VPS13B: variants seen among roughly 807,000 people sequenced by gnomAD.
The protein encoded by VPS13B is vacuolar protein sorting 13 homolog B.
In VPS13B, 285 loss-of-function variants were observed where a neutral mutation model predicts 426.4. The observed-to-expected ratio is 0.67, with a 90% CI of 0.61 to 0.74. The LOEUF is 0.74. Ranked by LOEUF, VPS13B falls within the 30% of genes least tolerant of loss-of-function variation. The pLI is 0.00. For missense variants in VPS13B, 4,537 were observed against 4,782.6 expected (o/e 0.95, Z 1.51); for synonymous variants, 1,676 against 1,676.4 (o/e 1.00, Z 0.01).
At chr8:99,612,227 C>T (rs992111997) in intron 33 of VPS13B, among the ~76,000 whole-genome samples, 2 of 152,168 alleles carry the variant, frequency 1.3e-5, no homozygotes, top group Non-Finnish European at 2.9e-5. Flanking sequence ...TTAAACTTCA[C>T]TCTCCTCATC....
intron 30 of VPS13B, chr8:99,527,980 T>G (rs938529653): frequency 6.6e-6 from 1 of 152,096 alleles, no homozygotes; most frequent in Non-Finnish European, 1.5e-5. Flanking sequence ...TGACATATAT[T>G]TCTTAGAAGC....
intron 22 of VPS13B, among the ~76,000 whole-genome samples, chr8:99,441,243 T>G (rs921901389): frequency 6.6e-6 from 1 of 152,094 alleles, no homozygotes; most frequent in Non-Finnish European, 1.5e-5. Context: ...GACAAACAGG[T>G]TTGTTTATTT....
intron 23 of VPS13B, among the ~76,000 whole-genome samples, chr8:99,457,435 G>T (rs1818540135): frequency 6.6e-6 from 1 of 152,058 alleles, no homozygotes; most frequent in African/African-American, 2.4e-5. Flanking sequence ...TTTATTTTTG[G>T]TGAGTTAATA....
At chr8:99,266,651 T>C (rs758252767) in intron 17 of VPS13B, among the ~76,000 whole-genome samples, 2 of 152,070 alleles carry the variant, frequency 1.3e-5, no homozygotes, top group South Asian at 4.2e-4. Context: ...TAGTGAGTTC[T>C]AGAGGGACGT....
At chr8:99,530,737 C>T (rs925973972) in intron 30 of VPS13B, among the ~76,000 whole-genome samples, 10 of 152,070 alleles carry the variant, frequency 6.6e-5, no homozygotes, top group Admixed American at 3.3e-4. Context: ...GCCTACATCT[C>T]GGTCGAACCT....
At chr8:99,265,598 T>C (rs114243357) in intron 17 of VPS13B, among the ~76,000 whole-genome samples, 130 of 152,258 alleles carry the variant, frequency 8.5e-4, no homozygotes, top group African/African-American at 2.9e-3. Flanking sequence ...GCCAGGTGAG[T>C]GTCAGGTAGT....
intron 36 of VPS13B, 54 bp downstream of exon 36, chr8:99,699,986 A>T: frequency 6.3e-7 from 1 of 1,579,194 alleles, no homozygotes; most frequent in South Asian, 1.2e-5. Context: ...TGATTTGTTA[A>T]CATCTGAAAA....
At chr8:99,149,861 T>C (rs143226326) in intron 14 of VPS13B, among the ~76,000 whole-genome samples, 8 of 152,190 alleles carry the variant, frequency 5.3e-5, no homozygotes, top group Non-Finnish European at 7.4e-5. Context: ...GCAAGGGATC[T>C]AGGTTGGCAC....
intron 17 of VPS13B, among the ~76,000 whole-genome samples, chr8:99,253,868 A>C (rs1021889700): frequency 6.6e-6 from 1 of 152,056 alleles, no homozygotes; most frequent in Admixed American, 6.5e-5. Context: ...ATTTTGGCTT[A>C]TGTGCAGTAA....
At chr8:99,266,092 G>T (rs1818282380) in intron 17 of VPS13B, among the ~76,000 whole-genome samples, 1 of 152,028 alleles carries the variant, frequency 6.6e-6, no homozygotes, top group South Asian at 2.1e-4. Context: ...CATTTAATAT[G>T]TACATCATAA....
At chr8:99,429,743 T>C (rs1199141196) in intron 21 of VPS13B, 1 of 152,212 alleles carries the variant, frequency 6.6e-6, no homozygotes, top group Non-Finnish European at 1.5e-5. Context: ...CTGTCTTCCT[T>C]TTTCAACACT....
intron 31 of VPS13B, among the ~76,000 whole-genome samples, chr8:99,558,564 C>A (rs1303379270): frequency 1.3e-5 from 2 of 152,144 alleles, no homozygotes; most frequent in Admixed American, 6.5e-5. Context: ...CCCCCCTACC[C>A]CCACCCCACA....
chr8:99,043,138 G>GT (rs1303741436), intron 3 of VPS13B, among the ~76,000 whole-genome samples: 18 of 151,206 alleles, frequency 1.2e-4, no homozygotes, highest in Non-Finnish European at 2.2e-4. Flanking sequence ...ACAGGACGAA[G>GT]TTTTTTTTTG....
intron 23 of VPS13B, among the ~76,000 whole-genome samples, chr8:99,461,564 G>T (rs911607493): frequency 2.6e-5 from 4 of 151,974 alleles, no homozygotes; most frequent in African/African-American, 9.7e-5. Context: ...TTTCTTTAAG[G>T]TTATCTAATT....
At chr8:99,049,261 G>A (rs1335135512) in intron 3 of VPS13B, among the ~76,000 whole-genome samples, 1 of 151,586 alleles carries the variant, frequency 6.6e-6, no homozygotes, top group Non-Finnish European at 1.5e-5. Context: ...GGTCCTGTGA[G>A]ATTTATGCTT....
At chr8:99,677,542 A>G (rs1396070045) in intron 35 of VPS13B, among the ~76,000 whole-genome samples, 2 of 152,192 alleles carry the variant, frequency 1.3e-5, no homozygotes, top group African/African-American at 4.8e-5. Flanking sequence ...TTGTTTTTCA[A>G]CTATAACTTT....
At chr8:99,356,207 G>A (rs145407989) in intron 19 of VPS13B, among the ~76,000 whole-genome samples, 1 of 152,208 alleles carries the variant, frequency 6.6e-6, no homozygotes, top group Non-Finnish European at 1.5e-5. Context: ...ATACCTTTGT[G>A]ACTATGTTTC....
In VPS13B at chr8:99,721,059, C is replaced by A; in HGVS notation, c.7050+12C>A. 6.2e-7 allele frequency: 1 copy of A among 1,613,284 alleles called. No individual in the cohort carries two copies. The highest frequency in any genetic ancestry group is 8.5e-7 in the Non-Finnish European group (1 of 1,179,452). On this transcript the variant is annotated intron_variant, in intron 39 of 61. Transcript: ENST00000357162. ...GTGATGTGCTACAGGTATGTAATGA[C>A]CATTCATTGTAAAATGAAAACATTG...
At chr8:99,147,377 G>T (rs1050144395) in intron 13 of VPS13B, among the ~76,000 whole-genome samples, 2 of 152,164 alleles carry the variant, frequency 1.3e-5, no homozygotes, top group African/African-American at 4.8e-5. Flanking sequence ...CTCCCAAAGT[G>T]CTGGGATTAC....
Sources: gnomAD v4.1 joint callset for allele counts (sites outside exome capture counted in the v4.1 genomes callset) on GRCh38, gnomAD v4.1.1 for gene constraint, MANE v1.5 for transcripts, NCBI Gene and HGNC (gene_info 2026-07-23, HGNC 2026-07-21) for gene names.